Variants in ITPR2 observed in about 807,000 individuals in gnomAD.
The protein encoded by ITPR2 is inositol 1,4,5-trisphosphate-gated calcium channel ITPR2.
A neutral mutation model predicts 317.1 loss-of-function variants in ITPR2; 207 were observed. The ratio of observed to expected loss-of-function variants is 0.65; its 90% CI spans 0.58 to 0.73. ITPR2 has a LOEUF of 0.73. ITPR2 is among the 30% of genes least tolerant of loss of function. The probability of loss-of-function intolerance (pLI) is 0.00; values close to 1 mark genes in which losing one functional copy is unlikely to be tolerated. For missense variants in ITPR2, 2,613 were observed against 3,284.0 expected (o/e 0.80, Z 4.99); for synonymous variants, 1,156 against 1,149.1 (o/e 1.01, Z -0.12).
intron 55 of ITPR2, among the ~76,000 whole-genome samples, chr12:26,343,281 T>C (rs1664150864): frequency 6.6e-6 from 1 of 152,176 alleles, no homozygotes; most frequent in South Asian, 2.1e-4. Context: ...AGACAGGAGA[T>C]TGTGGACAGA....
At chr12:26,427,766 G>A in intron 49 of ITPR2, 147 bp downstream of exon 49, 1 of 493,550 alleles carries the variant, frequency 2.0e-6, no homozygotes. Context: ...AATTAAAAAA[G>A]TACAAATTAT....
rs763019103 is a variant in ITPR2 at position 26,790,156 on chromosome 12, C to T, written c.163+1G>A. ...ATTAAAAAAATATATGTATTTCTTACCTCTGAACTTCTTGGGAGGGTTGGC... is the reference window on the plus strand; with the variant it reads ...ATTAAAAAAATATATGTATTTCTTATCTCTGAACTTCTTGGGAGGGTTGGC... On this transcript the variant is annotated splice_donor_variant, in intron 2 of 56. Coordinates refer to ENST00000381340, the MANE Select transcript of ITPR2 (RefSeq NM_002223.4). LOFTEE classifies it high-confidence loss of function. The T allele has an allele frequency of 6.9e-6, 11 of 1,605,080 alleles. No homozygotes were observed. The highest frequency in any genetic ancestry group is 8.5e-6 in the Non-Finnish European group (10 of 1,171,870).
chr12:26,351,023 G>C (rs1938465393), intron 55 of ITPR2, among the ~76,000 whole-genome samples: 1 of 152,200 alleles, frequency 6.6e-6, no homozygotes, highest in African/African-American at 2.4e-5. Flanking sequence ...TCCAGTGGCA[G>C]CTTAGACGGC....
intron 2 of ITPR2, among the ~76,000 whole-genome samples, chr12:26,768,668 C>G (rs1354347176): frequency 1.3e-5 from 2 of 149,660 alleles, no homozygotes; most frequent in Non-Finnish European, 3.0e-5. Context: ...CCTTCACACT[C>G]TTAAAAATTA....
chr12:26,748,838 A>C (rs1462913609), intron 2 of ITPR2, among the ~76,000 whole-genome samples: 1 of 152,242 alleles, frequency 6.6e-6, no homozygotes, highest in Non-Finnish European at 1.5e-5. Flanking sequence ...ATCAGTACAA[A>C]GATGTCTAGC....
chr12:26,455,517 T>C, intron 45 of ITPR2, among the ~76,000 whole-genome samples: 1 of 152,304 alleles, frequency 6.6e-6, no homozygotes, highest in South Asian at 2.1e-4. Flanking sequence ...TCTGTTGAAT[T>C]AAACTGAAAA....
chr12:26,662,410 A>C (rs1322884363), intron 15 of ITPR2, among the ~76,000 whole-genome samples: 3 of 152,170 alleles, frequency 2.0e-5, no homozygotes, highest in African/African-American at 4.8e-5. Flanking sequence ...AGCACACAAT[A>C]AATACTACTA....
At chr12:26,802,029 G>C (rs557897878) in intron 1 of ITPR2, among the ~76,000 whole-genome samples, 6 of 152,216 alleles carry the variant, frequency 3.9e-5, no homozygotes, top group Non-Finnish European at 8.8e-5. Context: ...GCCAGGGGTA[G>C]TAGCTTATGC....
chr12:26,670,377 G>A (rs1339786958), intron 13 of ITPR2, among the ~76,000 whole-genome samples: 1 of 152,170 alleles, frequency 6.6e-6, no homozygotes, highest in Admixed American at 6.5e-5. Context: ...TCAGACAGCA[G>A]CACTCACGGT....
chr12:26,760,253 C>T (rs1362845948), intron 2 of ITPR2, among the ~76,000 whole-genome samples: 1 of 152,186 alleles, frequency 6.6e-6, no homozygotes, highest in African/African-American at 2.4e-5. Flanking sequence ...ATGGATACTA[C>T]TGTATATATT....
At chr12:26,742,980 C>T (rs1034172055) in intron 2 of ITPR2, among the ~76,000 whole-genome samples, 8 of 152,106 alleles carry the variant, frequency 5.3e-5, no homozygotes, top group African/African-American at 7.2e-5. Context: ...AAAGGAGCTT[C>T]GCCAGGGCTG....
intron 18 of ITPR2, among the ~76,000 whole-genome samples, chr12:26,657,225 G>A (rs947108758): frequency 3.3e-5 from 5 of 152,064 alleles, no homozygotes; most frequent in South Asian, 2.1e-4. Context: ...CAGTACTTCC[G>A]CTGCCATATT....
At chr12:26,395,125 T>C (rs986517221) in intron 54 of ITPR2, among the ~76,000 whole-genome samples, 3 of 152,024 alleles carry the variant, frequency 2.0e-5, no homozygotes, top group Admixed American at 1.3e-4. Flanking sequence ...GCATGCATAC[T>C]TGGCAATAAT....
In ITPR2 at chr12:26,475,402, T is replaced by A; in HGVS notation, c.6236A>T (p.Asn2079Ile). 1 of 1,613,768 alleles carries A rather than the reference T, an allele frequency of 6.2e-7. No homozygotes were observed. Among genetic ancestry groups the A allele is most frequent in the Non-Finnish European group, 8.5e-7 (1 of 1,179,870 alleles). The part of the protein sequence containing the change: ...RPRELVDVMK[N>I]AYNQGLECDH... Reference sequence around the variant, plus strand: ...ACATTCCAATCCTTGGTTATAGGCATTCTTCATCACATCCACCTATCCAAA... The same window carrying A: ...ACATTCCAATCCTTGGTTATAGGCAATCTTCATCACATCCACCTATCCAAA... Residue 2079 changes from asparagine (N) to isoleucine (I), a missense_variant, in exon 45 of 57, where the codon AAT becomes ATT. Around this residue, in one of 9 missense-constraint regions of ITPR2, gnomAD observed 926 missense variants for 1,072.8 expected, o/e 0.86. Transcript: ENST00000381340.
chr12:26,591,079 CAAAAAAAAAAAAAA>C (rs34387951), intron 32 of ITPR2, among the ~76,000 whole-genome samples: 1 of 43,408 alleles, frequency 2.3e-5, no homozygotes, highest in Non-Finnish European at 4.0e-5. Flanking sequence ...GACTCCATCT[CAAAAAAAAAAAAAA>C]AAAAAAAAAG....
chr12:26,594,103 A>G (rs141125566), intron 32 of ITPR2, among the ~76,000 whole-genome samples: 13 of 152,354 alleles, frequency 8.5e-5, no homozygotes, highest in East Asian at 5.8e-4. Context: ...CACAAGGTCA[A>G]TGGGGACACA....
chr12:26,415,270 C>A, intron 51 of ITPR2, 33 bp downstream of exon 51: 1 of 1,445,174 alleles, frequency 6.9e-7, no homozygotes, highest in South Asian at 1.3e-5. Flanking sequence ...TATCTGCCAT[C>A]AGAGAAACCT....
chr12:26,360,945 G>A (rs1938808815), intron 55 of ITPR2, among the ~76,000 whole-genome samples: 1 of 152,038 alleles, frequency 6.6e-6, no homozygotes, highest in Admixed American at 6.5e-5. Context: ...CAGGCGCCAT[G>A]GCTCACGCCT....
chr12:26,814,194 C>G (rs976176736), intron 1 of ITPR2, among the ~76,000 whole-genome samples: 4 of 152,190 alleles, frequency 2.6e-5, no homozygotes, highest in African/African-American at 9.7e-5. Context: ...AACAAAACAC[C>G]TGCGCAAGGG....
Sources: gnomAD v4.1 joint callset for allele counts (sites outside exome capture counted in the v4.1 genomes callset) on GRCh38, gnomAD v4.1.1 for gene constraint, gnomAD v4.1.1 regional missense constraint, MANE v1.5 for transcripts, NCBI Gene and HGNC (gene_info 2026-07-23, HGNC 2026-07-21) for gene names.